Variants in CFAP300 observed in about 807,000 individuals in gnomAD.
The protein encoded by CFAP300 is cilia- and flagella-associated protein 300.
Under a neutral mutation model 33.0 loss-of-function variants are expected in CFAP300, and 32 were observed. That is an observed-to-expected ratio of 0.97 (90% CI 0.73 to 1.30). CFAP300 has a LOEUF of 1.30. Among genes scored for constraint, CFAP300 ranks in the 50% most tolerant of loss-of-function variants. The pLI is 0.00. For missense variants in CFAP300, 356 were observed against 318.1 expected (o/e 1.12, Z -0.90); for synonymous variants, 102 against 106.8 (o/e 0.95, Z 0.28).
In CFAP300 at chr11:102,047,439, A is replaced by G; in HGVS notation, c.-32A>G. 1.3e-6 allele frequency: 2 copies of G among 1,515,210 alleles called. No individual in the cohort carries two copies. The highest frequency in any genetic ancestry group is 2.0e-5 in the Admixed American group (1 of 50,902). The allele number at this position is 1,515,210 out of a possible 1,614,324, so 93.9% of individuals were successfully genotyped here. A position where few individuals can be genotyped will look rare whatever the true frequency, so the allele number is the denominator to read the frequency against. On this transcript the variant is annotated 5_prime_UTR_variant, in exon 1 of 7. Transcript: ENST00000434758. ...CGACGGCCGCCGCGTCTCCATGGAAACGGCCCAGGCATCCACCCAGCCGAG... is the reference window on the plus strand; with the variant it reads ...CGACGGCCGCCGCGTCTCCATGGAAGCGGCCCAGGCATCCACCCAGCCGAG...
intron 3 of CFAP300, among the ~76,000 whole-genome samples, chr11:102,059,845 C>T (rs1477065633): frequency 2.7e-5 from 4 of 149,226 alleles, no homozygotes; most frequent in African/African-American, 7.4e-5. Flanking sequence ...GTGTCTCACT[C>T]TGTCACCCAG....
chr11:102,061,737 T>G (rs2135027758), intron 3 of CFAP300, among the ~76,000 whole-genome samples: 1 of 152,306 alleles, frequency 6.6e-6, no homozygotes, highest in Admixed American at 6.5e-5. Context: ...CATTCACCAC[T>G]TCACTCTCCT....
At chr11:102,062,116 A>G (rs1437850336) in intron 3 of CFAP300, among the ~76,000 whole-genome samples, 1 of 152,188 alleles carries the variant, frequency 6.6e-6, no homozygotes, top group Admixed American at 6.5e-5. Context: ...AATAAGAAGT[A>G]AAAGCACTAG....
intron 4 of CFAP300, among the ~76,000 whole-genome samples, chr11:102,070,670 G>GTAAACT (rs1272366577): frequency 1.3e-5 from 2 of 152,050 alleles, no homozygotes; most frequent in African/African-American, 4.8e-5. Flanking sequence ...CTTTTTTGAT[G>GTAAACT]TAGGCATTTT....
intron 2 of CFAP300, among the ~76,000 whole-genome samples, chr11:102,053,919 T>C (rs1429594948): frequency 4.6e-5 from 7 of 152,190 alleles, no homozygotes; most frequent in African/African-American, 1.7e-4. Context: ...GAATGTATCA[T>C]CCTTTCTCAC....
At chr11:102,053,733 A>T (rs1942008162) in intron 2 of CFAP300, among the ~76,000 whole-genome samples, 1 of 152,232 alleles carries the variant, frequency 6.6e-6, no homozygotes, top group Non-Finnish European at 1.5e-5. Context: ...TTATAAAAGA[A>T]AAAGAACTTC....
At chr11:102,070,512 G>A (rs975434822) in intron 4 of CFAP300, among the ~76,000 whole-genome samples, 1 of 151,954 alleles carries the variant, frequency 6.6e-6, no homozygotes, top group Non-Finnish European at 1.5e-5. Flanking sequence ...TTCTCCATCT[G>A]GAGTTCCTGT....
intron 2 of CFAP300, 99 bp downstream of exon 2, chr11:102,047,995 C>T: frequency 8.8e-7 from 1 of 1,140,124 alleles, no homozygotes; most frequent in Non-Finnish European, 1.2e-6. Context: ...TCCTTACTGA[C>T]GTCGTTTTCT....
At chr11:102,055,244 G>T (rs1003219981) in intron 2 of CFAP300, among the ~76,000 whole-genome samples, 12 of 152,150 alleles carry the variant, frequency 7.9e-5, no homozygotes, top group African/African-American at 2.4e-5. Flanking sequence ...CTCCCAAAGT[G>T]CTGGGATTAC....
intron 5 of CFAP300, among the ~76,000 whole-genome samples, chr11:102,077,445 C>T (rs1317797130): frequency 6.6e-6 from 1 of 152,226 alleles, no homozygotes; most frequent in Non-Finnish European, 1.5e-5. Context: ...ATGTTGGGAG[C>T]ACACTACAGC....
At chr11:102,053,385 C>T (rs1942001217) in intron 2 of CFAP300, among the ~76,000 whole-genome samples, 2 of 151,808 alleles carry the variant, frequency 1.3e-5, no homozygotes, top group Admixed American at 1.3e-4. Context: ...AACCCAATCT[C>T]TACTAAAAAT....
intron 3 of CFAP300, among the ~76,000 whole-genome samples, chr11:102,059,970 G>T (rs1184420297): frequency 6.6e-6 from 1 of 151,710 alleles, no homozygotes; most frequent in Non-Finnish European, 1.5e-5. Context: ...CTAATTTTTG[G>T]TTTTTTGCTT....
Position 102,047,480 on chromosome 11 carries a change from G to A in CFAP300, c.10G>A (p.Gly4Arg). 2.0e-6 allele frequency: 3 copies of A among 1,535,898 alleles called. No homozygotes were observed. Among genetic ancestry groups the A allele is most frequent in the Non-Finnish European group, 2.6e-6 (3 of 1,146,708 alleles). Residue 4 changes from glycine (G) to arginine (R), a missense_variant, in exon 1 of 7, where the codon GGG becomes AGG. Transcript: ENST00000434758. The stretch of plus-strand genomic sequence containing the variant: ...CCCAGCCGAGAGCACGATGGCTACT[G>A]GGGAGCTCGGGGACTTGGGTGGCTA... MAT[G>R]ELGDLGGYYF... is the part of the protein sequence containing the mutation.
intron 3 of CFAP300, among the ~76,000 whole-genome samples, chr11:102,059,953 T>C (rs1942123778): frequency 6.6e-6 from 1 of 151,742 alleles, no homozygotes; most frequent in Non-Finnish European, 1.5e-5. Flanking sequence ...ACCCGGCTAA[T>C]TCCTGGCTAA....
At chr11:102,059,422 G>A (rs1260352779) in intron 3 of CFAP300, among the ~76,000 whole-genome samples, 1 of 151,988 alleles carries the variant, frequency 6.6e-6, no homozygotes, top group Admixed American at 6.6e-5. Flanking sequence ...GCTGAGGCGG[G>A]CGGATCACTT....
intron 4 of CFAP300, 99 bp downstream of exon 4, chr11:102,066,750 T>A (rs894197220): frequency 3.3e-5 from 31 of 943,198 alleles, no homozygotes; most frequent in Non-Finnish European, 4.6e-5. Context: ...TACCTTGTCA[T>A]AAAATACCAC....
chr11:102,082,558 T>C (rs1307093142), intron 6 of CFAP300, among the ~76,000 whole-genome samples: 1 of 152,360 alleles, frequency 6.6e-6, no homozygotes, highest in African/African-American at 2.4e-5. Context: ...ATTCCTATCA[T>C]AGTAGACTGT....
intron 5 of CFAP300, among the ~76,000 whole-genome samples, chr11:102,079,344 G>A (rs1026139942): frequency 2.0e-5 from 3 of 152,160 alleles, no homozygotes; most frequent in Admixed American, 2.0e-4. Context: ...CCTTGGGTAA[G>A]CACAAAATCT....
intron 2 of CFAP300, among the ~76,000 whole-genome samples, chr11:102,050,423 A>G (rs748553733): frequency 5.0e-4 from 76 of 152,252 alleles, no homozygotes; most frequent in Non-Finnish European, 7.2e-4. Context: ...TGTTTAAACT[A>G]GAATTCCAGA....
Sources: allele counts gnomAD v4.1 joint callset (sites outside exome capture counted in the v4.1 genomes callset), GRCh38; gene constraint gnomAD v4.1.1; transcripts MANE v1.5; gene names NCBI Gene and HGNC (gene_info 2026-07-23, HGNC 2026-07-21).